Variants in LYG2 observed in about 807,000 individuals in gnomAD.
LYG2 encodes lysozyme g2, also known as lysozyme g-like protein 2.
Under a neutral mutation model 22.4 loss-of-function variants are expected in LYG2, and 25 were observed. The ratio of observed to expected loss-of-function variants is 1.12; its 90% CI spans 0.81 to 1.56. The LOEUF (loss-of-function observed/expected upper bound fraction) is 1.56, where lower values mean the gene tolerates loss of function less well. Ranked by LOEUF, LYG2 falls within the 40% of genes most tolerant of loss-of-function variation. The pLI is 0.00. For synonymous variants in LYG2, 88 were observed against 97.0 expected (o/e 0.91, Z 0.55); for missense variants, 266 against 269.5 (o/e 0.99, Z 0.09).
At chr2:99,246,894 A>G in intron 3 of LYG2, 74 bp from the exon 4 acceptor site, 2 of 1,456,124 alleles carry the variant, frequency 1.4e-6, no homozygotes, top group Non-Finnish European at 1.9e-6. Flanking sequence ...AAACATCACT[A>G]AACCAAAGGC....
chr2:99,256,005 G>A (rs776025796), upstream of LYG2, among the ~76,000 whole-genome samples: 3 of 152,216 alleles, frequency 2.0e-5, no homozygotes, highest in African/African-American at 7.2e-5. Context: ...AGGGGAGGAA[G>A]AAGTCTGGTC....
chr2:99,243,992 A>T lies in LYG2; in HGVS notation c.520+7T>A. On this transcript the variant is annotated splice_region_variant and intron_variant, in intron 6 of 6. Transcript: ENST00000333017. ...CATTTAAACAAAGTACTCAGAATAC[A>T]GCCTACCTTTGAGGTGCTGAGCAAC... 6.2e-7 allele frequency: 1 copy of T among 1,613,992 alleles called. No individual in the cohort carries two copies. Among genetic ancestry groups the T allele is most frequent in the Non-Finnish European group, 8.5e-7 (1 of 1,179,972 alleles).
chr2:99,260,990 G>T, the LYG2 span, among the ~76,000 whole-genome samples: 4 of 152,162 alleles, frequency 2.6e-5, no homozygotes, highest in African/African-American at 9.7e-5. Flanking sequence ...TAGAATTGGA[G>T]AGACAGCTGA....
At chr2:99,249,189 G>T (rs2094022021) in intron 3 of LYG2, among the ~76,000 whole-genome samples, 1 of 152,174 alleles carries the variant, frequency 6.6e-6, no homozygotes, top group African/African-American at 2.4e-5. Context: ...GAGAGGCTGA[G>T]GCAGGACGAT....
chr2:99,242,694 T>C (rs2094008545), intron 6 of LYG2, among the ~76,000 whole-genome samples: 1 of 152,234 alleles, frequency 6.6e-6, no homozygotes, highest in Non-Finnish European at 1.5e-5. Context: ...CCAAAGTCTT[T>C]GGTTTTTCTT....
rs867980391 is a variant in LYG2, at chr2:99,244,220, C to T, written c.382-83G>A. The T allele has an allele frequency of 5.6e-5, 78 of 1,388,118 alleles. 1 individual carries two copies. The African/African-American group carries it at 9.1e-4, about 16-fold the overall frequency. 86.0% of individuals were successfully genotyped at this position (1,388,118 alleles called of 1,614,324 possible). ...ATTCCTAATTTCCTCTCCTGGTATT[C>T]AAGTCATAGATACCGGCCTTTATCC... On this transcript the variant is annotated intron_variant, in intron 5 of 6. Transcript: ENST00000333017.
intron 3 of LYG2, 90 bp from the exon 4 acceptor site, chr2:99,246,910 G>A: frequency 2.3e-6 from 3 of 1,282,376 alleles, no homozygotes; most frequent in Admixed American, 2.5e-5. Context: ...AAGGCAGAAG[G>A]CCACAGACAG....
chr2:99,242,470 GCTGAGAGACCAC>G lies in LYG2; in HGVS notation c.521_532del (p.Gly174_Ser177del). The G allele has an allele frequency of 6.2e-7, 1 of 1,607,434 alleles. No homozygotes were observed. Among genetic ancestry groups the G allele is most frequent in the Non-Finnish European group, 8.5e-7 (1 of 1,174,982 alleles). On this transcript the variant is annotated inframe_deletion and splice_region_variant, in exon 7 of 7. Transcript: ENST00000333017. Reference sequence around the variant, plus strand: ...AATCGCTTCAATTCCTGACTTAAAAGCTGAGAGACCACCTGAAATGAAACACAGAGAATTAGG... The same window carrying G: ...AATCGCTTCAATTCCTGACTTAAAAGCTGAAATGAAACACAGAGAATTAGG...
At chr2:99,245,146 A>T in intron 5 of LYG2, 116 bp downstream of exon 5, 3 of 1,166,736 alleles carry the variant, frequency 2.6e-6, no homozygotes, top group Non-Finnish European at 3.5e-6. Flanking sequence ...GAGTACCTGT[A>T]GCCAGATGCC....
At position 99,242,425 on chromosome 2, in the gene LYG2, T is replaced by A. The variant is rs765209577; in HGVS notation, c.578A>T (p.Asp193Val). ...AATGATATCATTGACGAAGTCATTG[T>A]CTATGTCCGATGGGGTGGCAATCGC... Reference protein sequence around the residue: ...IEAIATPSDIDNDFVNDIIAR... With the variant: ...IEAIATPSDIVNDFVNDIIAR... Residue 193 changes from aspartate (D) to valine (V), a missense_variant, in exon 7 of 7, where the codon GAC (aspartate) becomes GTC (valine). Transcript: ENST00000333017. 2.5e-5 allele frequency: 40 copies of A among 1,613,706 alleles called. No individual in the cohort carries two copies. Among genetic ancestry groups the A allele is most frequent in the Non-Finnish European group, 3.2e-5 (38 of 1,179,822 alleles).
chr2:99,250,446 C>T (rs1373700217), intron 3 of LYG2, among the ~76,000 whole-genome samples: 1 of 147,362 alleles, frequency 6.8e-6, no homozygotes, highest in Non-Finnish European at 1.5e-5. Flanking sequence ...GCGATCATGG[C>T]TCACTGCAAG....
At chr2:99,248,584 G>T (rs2094020565) in intron 3 of LYG2, among the ~76,000 whole-genome samples, 1 of 144,330 alleles carries the variant, frequency 6.9e-6, no homozygotes. Flanking sequence ...GGACTGTTGT[G>T]GGGTGGAGGG....
chr2:99,249,919 G>A (rs1032597940), intron 3 of LYG2, among the ~76,000 whole-genome samples: 23 of 151,864 alleles, frequency 1.5e-4, no homozygotes, highest in Non-Finnish European at 2.8e-4. Flanking sequence ...CTTAGTAGAC[G>A]GAGTGGCCCT....
In LYG2 at chr2:99,245,205, T is replaced by C. The variant is rs549292411; in HGVS notation, c.381+57A>G. The C allele has an allele frequency of 4.1e-6, 6 of 1,479,830 alleles. No homozygotes were observed. The South Asian group carries it at 5.9e-5, about 15-fold the overall frequency. 91.7% of individuals were successfully genotyped at this position (1,479,830 alleles called of 1,614,324 possible). ...ACTGCAAATGGATTTCTAGTTCAGG[T>C]TGAGCTTCTGTGAGGAGGGATGCAG... On this transcript the variant is annotated intron_variant, in intron 5 of 6. Transcript: ENST00000333017.
chr2:99,254,406 T>C, intron 2 of LYG2, 121 bp from the exon 3 acceptor site: 1 of 680,664 alleles, frequency 1.5e-6, no homozygotes, highest in Non-Finnish European at 2.5e-6. Context: ...ATTTCCCTGT[T>C]TCAAGATAGT....
intron 5 of LYG2, 97 bp from the exon 6 acceptor site, chr2:99,244,234 C>CA: frequency 8.3e-7 from 1 of 1,201,084 alleles, no homozygotes; most frequent in Non-Finnish European, 1.2e-6. Context: ...TCATAGATAC[C>CA]GGCCTTTATC....
At chr2:99,246,611 G>T in intron 4 of LYG2, 69 bp downstream of exon 4, 2 of 1,543,440 alleles carry the variant, frequency 1.3e-6, no homozygotes, top group South Asian at 2.4e-5. Flanking sequence ...AAAATTAAGT[G>T]ACTTCCTAAG....
intron 4 of LYG2, among the ~76,000 whole-genome samples, chr2:99,245,808 G>C (rs1045142942): frequency 2.2e-4 from 34 of 151,970 alleles, no homozygotes; most frequent in Non-Finnish European, 1.2e-4. Flanking sequence ...CCCCCAACAG[G>C]TGTCGCTTCT....
upstream of LYG2, among the ~76,000 whole-genome samples, chr2:99,257,397 CTT>C (rs887375138): frequency 6.6e-6 from 1 of 152,156 alleles, no homozygotes; most frequent in Non-Finnish European, 1.5e-5. Flanking sequence ...AAGCCTAACT[CTT>C]AACTGCAGTA....
Sources: gnomAD v4.1 joint callset for allele counts (sites outside exome capture counted in the v4.1 genomes callset) on GRCh38, gnomAD v4.1.1 for gene constraint, MANE v1.5 for transcripts, NCBI Gene and HGNC (gene_info 2026-07-23, HGNC 2026-07-21) for gene names.